SNX4: variants seen among roughly 807,000 people sequenced by gnomAD.
SNX4 encodes sorting nexin 4.
A neutral mutation model predicts 70.8 loss-of-function variants in SNX4; 49 were observed. The ratio of observed to expected loss-of-function variants is 0.69; its 90% confidence interval spans 0.55 to 0.88. SNX4 has a LOEUF of 0.88. SNX4 is among the 40% of genes least tolerant of loss of function. SNX4 has a pLI of 0.00. For missense variants in SNX4, 528 were observed against 544.8 expected (o/e 0.97, Z 0.31); for synonymous variants, 206 against 183.8 (o/e 1.12, Z -0.98).
chr3:125,511,347 G>C (rs760883184), intron 1 of SNX4, among the ~76,000 whole-genome samples: 1 of 152,078 alleles, frequency 6.6e-6, no homozygotes, highest in South Asian at 2.1e-4. Context: ...TATGCCGAAA[G>C]GCAAGATTAT....
At chr3:125,478,236 C>T (rs572221297) in intron 7 of SNX4, among the ~76,000 whole-genome samples, 6 of 151,910 alleles carry the variant, frequency 3.9e-5, no homozygotes, top group East Asian at 3.9e-4. Context: ...TGCACCACCA[C>T]GCCCAGCTAG....
intron 6 of SNX4, among the ~76,000 whole-genome samples, chr3:125,485,062 T>C (rs1422229141): frequency 6.6e-6 from 1 of 150,396 alleles, no homozygotes; most frequent in Non-Finnish European, 1.5e-5. Context: ...AGACTCCATC[T>C]CCAAAAAAAA....
At chr3:125,518,870 G>C (rs975984897) in intron 1 of SNX4, among the ~76,000 whole-genome samples, 1 of 151,872 alleles carries the variant, frequency 6.6e-6, no homozygotes, top group Non-Finnish European at 1.5e-5. Flanking sequence ...AAATTTAGCT[G>C]GGAGTGGTGG....
chr3:125,472,631 C>A (rs75456302), intron 8 of SNX4, among the ~76,000 whole-genome samples: 2,670 of 152,216 alleles, frequency 0.018, 99 homozygotes, highest in African/African-American at 0.061. Flanking sequence ...CTGCTTCTGG[C>A]CAATGTCATG....
chr3:125,519,958 A>G (rs1442990242), intron 1 of SNX4, 74 bp downstream of exon 1: 8 of 718,666 alleles, frequency 1.1e-5, no homozygotes, highest in East Asian at 6.8e-5. Flanking sequence ...GGCCCAGCCC[A>G]GCCCAGCCCA....
intron 2 of SNX4, among the ~76,000 whole-genome samples, chr3:125,501,953 C>T (rs988574827): frequency 6.6e-6 from 1 of 152,122 alleles, no homozygotes; most frequent in African/African-American, 2.4e-5. Context: ...AAACAATGAT[C>T]CTTTATTTAT....
chr3:125,502,809 G>C (rs1299111284), intron 2 of SNX4, among the ~76,000 whole-genome samples: 1 of 141,414 alleles, frequency 7.1e-6, no homozygotes, highest in Non-Finnish European at 1.5e-5. Flanking sequence ...AGCCGAGATC[G>C]CGCCACCGCA....
chr3:125,481,509 C>T (rs902122645), intron 6 of SNX4, among the ~76,000 whole-genome samples: 6 of 148,996 alleles, frequency 4.0e-5, no homozygotes, highest in South Asian at 4.2e-4. Context: ...AGTGCAATGG[C>T]GCAATCTTGG....
intron 10 of SNX4, among the ~76,000 whole-genome samples, chr3:125,459,029 C>T (rs1933807308): frequency 6.6e-6 from 1 of 151,692 alleles, no homozygotes; most frequent in Admixed American, 6.6e-5. Context: ...CAAAAATTAG[C>T]CGGGCATGGT....
Position 125,460,837 on chromosome 3 carries a change from A to C in SNX4, c.878T>G (p.Ile293Ser), listed in dbSNP as rs780600646. ...MDVYASSIDD[I>S]LEDEEHYADQ... ...TGCATAATGTTCTTCATCTTCCAAA[A>C]TATCATCAATAGAAGATGCATACCT... The change falls in exon 10 of 14, where the codon ATT becomes AGT. Residue 293 changes from isoleucine to serine, a missense_variant. Physicochemically the swap from Ile to Ser is moderately radical, Grantham distance 142 (BLOSUM62 -2). Coordinates refer to ENST00000251775, the MANE Select transcript of SNX4 (RefSeq NM_003794.4). 1.6e-5 allele frequency: 25 copies of C among 1,534,974 alleles called. No homozygotes were observed. The highest frequency in any genetic ancestry group is 2.0e-5 in the Non-Finnish European group (23 of 1,127,434).
chr3:125,455,142 C>A (rs1933679086), intron 11 of SNX4, among the ~76,000 whole-genome samples: 1 of 152,072 alleles, frequency 6.6e-6, no homozygotes, highest in Non-Finnish European at 1.5e-5. Flanking sequence ...TTAATCCACA[C>A]TGGTCTCAAA....
chr3:125,457,365 C>T lies in SNX4; in HGVS notation c.945G>A (p.Arg315=), dbSNP rs1416936876. The T allele has an allele frequency of 6.2e-7, 1 of 1,611,128 alleles. No individual in the cohort carries two copies. The highest frequency in any genetic ancestry group is 8.5e-7 in the Non-Finnish European group (1 of 1,177,400). ...TAAGTTCATGTTTCCTGCACACAGC[C>T]CTACAGATGAAAAAATGTGCTGCCA... is the stretch of plus-strand genomic sequence containing the variant. ...KEYLFYAEAL[R]AVCRKHELMQ... is the part of the protein sequence containing the mutation. Residue 315 remains arginine (R), a splice_region_variant and synonymous_variant, in exon 11 of 14, where the codon CGG becomes CGA. Transcript: ENST00000251775.
chr3:125,460,067 G>A (rs1406059319), intron 10 of SNX4, among the ~76,000 whole-genome samples: 6 of 151,670 alleles, frequency 4.0e-5, no homozygotes, highest in African/African-American at 7.3e-5. Flanking sequence ...GTTGGCGGGC[G>A]CCTGTAATCC....
chr3:125,456,003 AAAACAAAC>A lies in SNX4; in HGVS notation c.1044+1255_1044+1262del, dbSNP rs200886002. On this transcript the variant is annotated intron_variant, in intron 11 of 13. Coordinates refer to ENST00000251775, the MANE Select transcript of SNX4 (RefSeq NM_003794.4). Reference sequence around the variant, plus strand: ...GGGCAACAGAGCGAAACTCGGTCTAAAAACAAACAAACAAACAAACAAAAACTACAGTG... The same window carrying A: ...GGGCAACAGAGCGAAACTCGGTCTAAAAACAAACAAACAAAAACTACAGTG... 3.9e-5 allele frequency among the ~76,000 whole-genome samples: 6 copies of A among 152,294 alleles called. No individual in the cohort carries two copies. The South Asian group carries it at 1.2e-3, about 32-fold the overall frequency.
chr3:125,468,746 G>A (rs1441607355), intron 9 of SNX4, among the ~76,000 whole-genome samples: 2 of 151,866 alleles, frequency 1.3e-5, no homozygotes, highest in Non-Finnish European at 2.9e-5. Flanking sequence ...CTACTTGGGA[G>A]GCTGAGGTGG....
At chr3:125,519,016 AT>A (rs1245138552) in intron 1 of SNX4, among the ~76,000 whole-genome samples, 1 of 151,878 alleles carries the variant, frequency 6.6e-6, no homozygotes, top group East Asian at 1.9e-4. Flanking sequence ...CTCAAAATAA[AT>A]AAATAAATAA....
intron 11 of SNX4, among the ~76,000 whole-genome samples, chr3:125,454,739 TAC>T (rs1933665111): frequency 6.6e-6 from 1 of 152,174 alleles, no homozygotes. Context: ...TATATTTCAC[TAC>T]ACACACAAAG....
chr3:125,461,291 C>T (rs914780683), intron 9 of SNX4, among the ~76,000 whole-genome samples: 3 of 152,212 alleles, frequency 2.0e-5, no homozygotes, highest in African/African-American at 7.2e-5. Context: ...AGATAATTTG[C>T]TACCCATCAG....
intron 9 of SNX4, among the ~76,000 whole-genome samples, chr3:125,468,691 A>T (rs1242405543): frequency 6.6e-6 from 1 of 152,166 alleles, no homozygotes; most frequent in Non-Finnish European, 1.5e-5. Flanking sequence ...ACAAAAAAAT[A>T]AAAAATAATT....
Sources: gnomAD v4.1 joint callset for allele counts (sites outside exome capture counted in the v4.1 genomes callset) on GRCh38, gnomAD v4.1.1 for gene constraint, MANE v1.5 for transcripts, NCBI Gene and HGNC (gene_info 2026-07-23, HGNC 2026-07-21) for gene names.